STXBP5: variants seen among roughly 807,000 people sequenced by gnomAD.
STXBP5 encodes syntaxin-binding protein 5.
In STXBP5, 50 loss-of-function variants were observed where a neutral mutation model predicts 152.4. That is an observed-to-expected ratio of 0.33 (90% CI 0.26 to 0.42). STXBP5 has a LOEUF of 0.42. STXBP5 is among the 10% of genes least tolerant of loss of function. STXBP5 has a pLI of 1.00. For missense variants in STXBP5, 1,167 were observed against 1,388.6 expected, an observed-to-expected ratio of 0.84 and a Z score of 2.54; for synonymous variants, 492 against 494.7, an observed-to-expected ratio of 0.99 and a Z score of 0.07.
chr6:147,295,918 A>T (rs1188392523), intron 9 of STXBP5, among the ~76,000 whole-genome samples: 1 of 152,132 alleles, frequency 6.6e-6, no homozygotes, highest in Non-Finnish European at 1.5e-5. Flanking sequence ...ACCAGTAGCC[A>T]CTTCATTTGT....
At chr6:147,314,442 A>G (rs935975164) in intron 13 of STXBP5, 111 bp downstream of exon 13, 1 of 1,282,650 alleles carries the variant, frequency 7.8e-7, no homozygotes, top group South Asian at 1.3e-5. Context: ...TTATGTCGTA[A>G]TATAATAAGA....
intron 7 of STXBP5, among the ~76,000 whole-genome samples, chr6:147,273,203 A>G (rs1780266871): frequency 2.6e-5 from 4 of 151,384 alleles, no homozygotes; most frequent in African/African-American, 9.7e-5. Context: ...AGTAAAAAAA[A>G]AAAAATTAGC....
chr6:147,364,259 A>G, intron 25 of STXBP5, 93 bp downstream of exon 25: 4 of 1,164,302 alleles, frequency 3.4e-6, no homozygotes, highest in South Asian at 1.7e-5. Flanking sequence ...ATGGAACTAT[A>G]CAAGTGAGCC....
rs763004145 is a variant in STXBP5 at position 147,364,153 on chromosome 6, G to T, written c.3068G>T (p.Cys1023Phe). 25 of 1,610,916 alleles carry T rather than the reference G, an allele frequency of 1.6e-5. No homozygotes were observed. The South Asian group carries it at 2.4e-4, about 16-fold the overall frequency. ...IQRLTYSQET[C>F]ENLQEMLGEL... ...AGACTTACTTATAGTCAAGAGACCT[G>T]TGAAAATCTTCAGGTAATTAATAAA... The change falls in exon 25 of 28, where the codon TGT becomes TTT. Residue 1023 changes from cysteine to phenylalanine, a missense_variant. Coordinates refer to ENST00000321680, the MANE Select transcript of STXBP5 (RefSeq NM_001127715.4).
At chr6:147,316,194 T>C in intron 15 of STXBP5, 35 bp from the exon 16 acceptor site, 2 of 1,584,642 alleles carry the variant, frequency 1.3e-6, no homozygotes, top group Non-Finnish European at 1.7e-6. Flanking sequence ...GCAATAATTA[T>C]TAGGAGTAAG....
chr6:147,359,004 G>T, intron 22 of STXBP5, 80 bp from the exon 23 acceptor site: 1 of 1,506,472 alleles, frequency 6.6e-7, no homozygotes, highest in South Asian at 1.3e-5. Flanking sequence ...TTAACTATTT[G>T]ACCAAATTTA....
intron 7 of STXBP5, among the ~76,000 whole-genome samples, chr6:147,269,775 G>C (rs1382813007): frequency 2.0e-5 from 3 of 152,096 alleles, no homozygotes; most frequent in African/African-American, 7.2e-5. Context: ...AGCAGTAGAA[G>C]CTACTTGATG....
chr6:147,210,110 A>G (rs1191019426), intron 2 of STXBP5, among the ~76,000 whole-genome samples: 1 of 152,178 alleles, frequency 6.6e-6, no homozygotes, highest in African/African-American at 2.4e-5. Context: ...ATTAATCCAT[A>G]TAGGTAGTAA....
At chr6:147,256,532 G>C (rs370404641) in intron 4 of STXBP5, among the ~76,000 whole-genome samples, 1 of 152,080 alleles carries the variant, frequency 6.6e-6, no homozygotes. Context: ...ACTGAATATG[G>C]TTTCACTAAA....
chr6:147,268,226 G>A (rs1263552268), intron 7 of STXBP5, among the ~76,000 whole-genome samples: 1 of 152,060 alleles, frequency 6.6e-6, no homozygotes, highest in Non-Finnish European at 1.5e-5. Flanking sequence ...CTACTAATCT[G>A]TATATTTCTG....
intron 4 of STXBP5, among the ~76,000 whole-genome samples, chr6:147,245,663 G>A (rs1425893498): frequency 6.6e-6 from 1 of 152,188 alleles, no homozygotes; most frequent in Non-Finnish European, 1.5e-5. Flanking sequence ...ACCTTAGTTA[G>A]AAATGGAGTC....
In STXBP5 at chr6:147,364,138, A is replaced by G. The variant is rs150857550; in HGVS notation, c.3053A>G (p.Tyr1018Cys). The G allele has an allele frequency of 9.5e-5, 153 of 1,613,380 alleles. 1 individual carries two copies. The African/African-American group carries it at 1.8e-3, about 19-fold the overall frequency. Residue 1018 changes from tyrosine (Y) to cysteine (C), a missense_variant, in exon 25 of 28, where the codon TAT becomes TGT. By Grantham distance (194) the Tyr-to-Cys change is radical. Coordinates refer to ENST00000321680, the MANE Select transcript of STXBP5 (RefSeq NM_001127715.4). ...VSPTEIQRLT[Y>C]SQETCENLQE... ...CCTACAGAAATCCAGAGACTTACTTATAGTCAAGAGACCTGTGAAAATCTT... is the reference window on the plus strand; with the variant it reads ...CCTACAGAAATCCAGAGACTTACTTGTAGTCAAGAGACCTGTGAAAATCTT...
intron 19 of STXBP5, among the ~76,000 whole-genome samples, chr6:147,338,501 T>C (rs1783938700): frequency 6.6e-6 from 1 of 151,682 alleles, no homozygotes; most frequent in Non-Finnish European, 1.5e-5. Flanking sequence ...AGAAATACTA[T>C]GAGAAATTAG....
rs148789786 is a variant in STXBP5, at chr6:147,213,263, T to C, written c.248+7195T>C. On this transcript the variant is annotated intron_variant, in intron 2 of 27. Coordinates refer to ENST00000321680, the MANE Select transcript of STXBP5 (RefSeq NM_001127715.4). ...GAGGCAATTATTTACAAGAAGAATT[T>C]TTTCTTTCTTTTTTTTTTTTGAGAT... 6.7e-4 allele frequency among the ~76,000 whole-genome samples: 102 copies of C among 151,568 alleles called. 3 individuals carry two copies. In the East Asian group the frequency reaches 0.019, roughly 28 times the overall value.
chr6:147,334,838 C>T (rs1026418378), intron 19 of STXBP5, among the ~76,000 whole-genome samples: 3 of 151,976 alleles, frequency 2.0e-5, no homozygotes, highest in African/African-American at 7.2e-5. Flanking sequence ...TCTAATCCTT[C>T]ATAAAGTTAA....
chr6:147,324,183 T>C (rs1339645426), intron 16 of STXBP5, among the ~76,000 whole-genome samples: 3 of 151,992 alleles, frequency 2.0e-5, no homozygotes, highest in Admixed American at 1.3e-4. Context: ...ATATTTGTTG[T>C]AACTCATTTT....
At chr6:147,362,798 A>T (rs745809670) in intron 23 of STXBP5, among the ~76,000 whole-genome samples, 1 of 152,228 alleles carries the variant, frequency 6.6e-6, no homozygotes, top group Non-Finnish European at 1.5e-5. Flanking sequence ...GCATGTAATT[A>T]TTGAAAGTGA....
chr6:147,239,342 T>C, intron 4 of STXBP5, 72 bp downstream of exon 4: 1 of 1,375,408 alleles, frequency 7.3e-7, no homozygotes, highest in East Asian at 2.4e-5. Context: ...AGTCTTTGAT[T>C]TTTTGTGTGT....
At chr6:147,275,286 C>A (rs116050271) in intron 7 of STXBP5, among the ~76,000 whole-genome samples, 3,349 of 152,104 alleles carry the variant, frequency 0.022, 128 homozygotes, top group African/African-American at 0.077. Flanking sequence ...CGATTTTTGT[C>A]AGATACTACA....
Sources: allele counts gnomAD v4.1 joint callset (sites outside exome capture counted in the v4.1 genomes callset), GRCh38; gene constraint gnomAD v4.1.1; transcripts MANE v1.5; gene names NCBI Gene and HGNC (gene_info 2026-07-23, HGNC 2026-07-21).